The following PDLIM5 variants were observed in gnomAD, a reference collection of about 807,000 sequenced individuals.
PDLIM5 encodes the protein PDZ and LIM domain protein 5.
Under a neutral mutation model 64.2 loss-of-function variants are expected in PDLIM5, and 34 were observed. The observed-to-expected ratio is 0.53, with a 90% confidence interval of 0.40 to 0.71. PDLIM5 has a LOEUF of 0.71. Ranked by LOEUF, PDLIM5 falls within the 30% of genes least tolerant of loss-of-function variation. The probability of loss-of-function intolerance (pLI) is 0.00; values close to 1 mark genes in which losing one functional copy is unlikely to be tolerated. For missense variants in PDLIM5, 683 were observed against 733.6 expected, an observed-to-expected ratio of 0.93 and a Z score of 0.80; for synonymous variants, 253 against 269.1, an observed-to-expected ratio of 0.94 and a Z score of 0.59.
intron 2 of PDLIM5, among the ~76,000 whole-genome samples, chr4:94,463,181 A>G (rs1410560847): frequency 1.3e-5 from 2 of 152,236 alleles, no homozygotes; most frequent in Non-Finnish European, 2.9e-5. Context: ...AGCAAATCAC[A>G]TTTAATAGAT....
chr4:94,508,840 T>C (rs1196261345), intron 2 of PDLIM5, among the ~76,000 whole-genome samples: 1 of 152,222 alleles, frequency 6.6e-6, no homozygotes, highest in African/African-American at 2.4e-5. Flanking sequence ...TTGGCAGCCT[T>C]GCTATCCTTG....
At chr4:94,634,763 A>T (rs1390798017) in intron 8 of PDLIM5, among the ~76,000 whole-genome samples, 1 of 152,204 alleles carries the variant, frequency 6.6e-6, no homozygotes, top group Non-Finnish European at 1.5e-5. Flanking sequence ...AAAAATATCA[A>T]ATAACCCCCA....
At chr4:94,488,565 C>T (rs1042260393) in intron 2 of PDLIM5, among the ~76,000 whole-genome samples, 9 of 152,116 alleles carry the variant, frequency 5.9e-5, no homozygotes, top group East Asian at 1.9e-4. Flanking sequence ...AAATGCATAC[C>T]GTAAGTAGCC....
intron 8 of PDLIM5, among the ~76,000 whole-genome samples, chr4:94,630,200 C>G (rs897910334): frequency 6.6e-6 from 1 of 151,860 alleles, no homozygotes; most frequent in Non-Finnish European, 1.5e-5. Context: ...TTTGATGTAT[C>G]CCAGTTATTT....
intron 9 of PDLIM5, among the ~76,000 whole-genome samples, chr4:94,653,619 G>C (rs1742003347): frequency 6.6e-6 from 1 of 151,976 alleles, no homozygotes; most frequent in African/African-American, 2.4e-5. Context: ...TGGGGAGGGG[G>C]GAGAGGGAAG....
chr4:94,625,675 G>A (rs13145222), intron 8 of PDLIM5, among the ~76,000 whole-genome samples: 4 of 151,996 alleles, frequency 2.6e-5, no homozygotes, highest in African/African-American at 9.7e-5. Context: ...GGATGGTCTC[G>A]ATCTCCTGAC....
chr4:94,623,820 T>C (rs1456561675), intron 8 of PDLIM5, among the ~76,000 whole-genome samples: 1 of 152,226 alleles, frequency 6.6e-6, no homozygotes, highest in Non-Finnish European at 1.5e-5. Context: ...GTGGGAGCAC[T>C]GTCTGCCAAA....
At chr4:94,565,130 C>T (rs965033175) in intron 3 of PDLIM5, among the ~76,000 whole-genome samples, 2 of 152,086 alleles carry the variant, frequency 1.3e-5, no homozygotes, top group African/African-American at 4.8e-5. Flanking sequence ...AAAATAATTA[C>T]CAGTTGGGAA....
intron 2 of PDLIM5, among the ~76,000 whole-genome samples, chr4:94,513,123 G>C (rs1258199355): frequency 6.6e-6 from 1 of 152,048 alleles, no homozygotes; most frequent in East Asian, 1.9e-4. Flanking sequence ...ATGCTGTTTT[G>C]GTTAATATAA....
chr4:94,511,828 AG>A (rs1352084269), intron 2 of PDLIM5, among the ~76,000 whole-genome samples: 2 of 152,160 alleles, frequency 1.3e-5, no homozygotes, highest in Non-Finnish European at 2.9e-5. Context: ...ATGGCTGAAT[AG>A]TACTCCAGTG....
intron 3 of PDLIM5, among the ~76,000 whole-genome samples, chr4:94,556,831 A>G (rs1465639676): frequency 6.6e-6 from 1 of 152,094 alleles, no homozygotes; most frequent in Non-Finnish European, 1.5e-5. Context: ...GTAGATTGCA[A>G]AAATTTTCTC....
At chr4:94,518,984 C>T (rs990739758) in intron 2 of PDLIM5, among the ~76,000 whole-genome samples, 4 of 152,172 alleles carry the variant, frequency 2.6e-5, no homozygotes, top group Non-Finnish European at 5.9e-5. Flanking sequence ...CCTTTTGGTA[C>T]AGTGGCAACA....
chr4:94,463,483 C>T (rs1470745546), intron 2 of PDLIM5, among the ~76,000 whole-genome samples: 4 of 152,030 alleles, frequency 2.6e-5, no homozygotes, highest in Admixed American at 2.0e-4. Context: ...ATTTACTGTT[C>T]ATTAAGTGGA....
chr4:94,619,635 A>G (rs1464123037), intron 8 of PDLIM5, among the ~76,000 whole-genome samples: 1 of 148,970 alleles, frequency 6.7e-6, no homozygotes, highest in Non-Finnish European at 1.5e-5. Context: ...GCGAGACTCC[A>G]TCTCAAAAAA....
At chr4:94,629,872 C>T (rs1740002808) in intron 8 of PDLIM5, among the ~76,000 whole-genome samples, 1 of 152,160 alleles carries the variant, frequency 6.6e-6, no homozygotes, top group Admixed American at 6.5e-5. Context: ...CCTCTGATCC[C>T]AGATCTTGGC....
intron 3 of PDLIM5, among the ~76,000 whole-genome samples, chr4:94,566,152 T>C (rs1045785297): frequency 2.0e-5 from 3 of 152,228 alleles, no homozygotes; most frequent in African/African-American, 7.2e-5. Context: ...GGGCTGCATA[T>C]AGGCTTCTGG....
intron 11 of PDLIM5, among the ~76,000 whole-genome samples, chr4:94,660,885 C>G (rs1247076909): frequency 2.0e-5 from 3 of 151,078 alleles, no homozygotes; most frequent in African/African-American, 7.3e-5. Flanking sequence ...CCAGCCTGGG[C>G]AAGATGGGGA....
chr4:94,572,585 T>C (rs978703351), intron 3 of PDLIM5, among the ~76,000 whole-genome samples: 2 of 152,170 alleles, frequency 1.3e-5, no homozygotes, highest in African/African-American at 4.8e-5. Context: ...ACAAAAAACA[T>C]ATATTTAAAA....
At position 94,455,399 on chromosome 4, in the gene PDLIM5, C is replaced by T. The variant is rs1432330620; in HGVS notation, c.96+15C>T. On this transcript the variant is annotated intron_variant, in intron 2 of 12. Coordinates refer to ENST00000317968, the MANE Select transcript of PDLIM5 (RefSeq NM_006457.5). ...CAATCTCTAGTGTAAGTAAACTTTA[C>T]AAATTTTATTATAGATGTTCATTCA... is the stretch of plus-strand genomic sequence containing the variant. 3 of 1,517,526 alleles carry T rather than the reference C, an allele frequency of 2.0e-6. No individual in the cohort carries two copies. The highest frequency in any genetic ancestry group is 2.7e-6 in the Non-Finnish European group (3 of 1,092,274). 94.0% of individuals were successfully genotyped at this position (1,517,526 alleles called of 1,614,324 possible). A position where few individuals can be genotyped will look rare whatever the true frequency, so the allele number is the denominator to read the frequency against.
Sources: gnomAD v4.1 joint callset for allele counts (sites outside exome capture counted in the v4.1 genomes callset) on GRCh38, gnomAD v4.1.1 for gene constraint, MANE v1.5 for transcripts, NCBI Gene and HGNC (gene_info 2026-07-23, HGNC 2026-07-21) for gene names.